Variants in BRPF1 observed in about 807,000 individuals in gnomAD.
BRPF1 encodes bromodomain and PHD finger containing 1, also known as peregrin.
A neutral mutation model predicts 115.0 loss-of-function variants in BRPF1; 15 were observed. The observed-to-expected ratio is 0.13, with a 90% confidence interval of 0.09 to 0.20. The LOEUF is 0.20. Among genes scored for constraint, BRPF1 ranks in the 10% least tolerant of loss-of-function variants. The pLI is 1.00. For synonymous variants in BRPF1, 647 were observed against 619.8 expected (o/e 1.04, Z -0.65); for missense variants, 1,118 against 1,638.3 (o/e 0.68, Z 5.48).
In BRPF1 at chr3:9,743,554, T is replaced by C; in HGVS notation, c.2312-24T>C. 6.3e-7 allele frequency: 1 copy of C among 1,599,688 alleles called. No individual in the cohort carries two copies. The highest frequency in any genetic ancestry group is 8.5e-7 in the Non-Finnish European group (1 of 1,171,810). ...CCTGAGGGCTGCCCTGAGTCTGACC[T>C]TTCCCCTCCAACCCTACCCCTAGCA... On this transcript the variant is annotated intron_variant, in intron 7 of 13. Transcript: ENST00000383829. This position sits in a 1 kb window ranked among gnomAD's most constrained non-coding sequence, Gnocchi z 6.1.
At chr3:9,742,308 A>G in intron 6 of BRPF1, 137 bp downstream of exon 6, 2 of 1,497,616 alleles carry the variant, frequency 1.3e-6, no homozygotes, top group Non-Finnish European at 1.8e-6. Context: ...AACTGGAGCC[A>G]CATGTATCAC....
At chr3:9,741,227 G>A in intron 4 of BRPF1, 81 bp from the exon 5 acceptor site, 2 of 1,493,426 alleles carry the variant, frequency 1.3e-6, no homozygotes, top group Non-Finnish European at 1.8e-6. Context: ...GGCTTGACCT[G>A]AGTTTCCTGG....
At chr3:9,737,759 AG>A (rs1482304814) in intron 2 of BRPF1, among the ~76,000 whole-genome samples, 45 of 152,236 alleles carry the variant, frequency 3.0e-4, no homozygotes, top group East Asian at 1.2e-3. Flanking sequence ...TTTTACACCA[AG>A]GTGCTCACAC....
rs2076906225 is a variant in BRPF1 at position 9,734,438 on chromosome 3, G to A, written c.298G>A (p.Glu100Lys). Residue 100 changes from glutamate (E) to lysine (K), a missense_variant, in exon 2 of 14, where the codon GAG becomes AAG. Physicochemically the swap from Glu to Lys is moderately conservative, Grantham distance 56. Coordinates refer to ENST00000383829, the MANE Select transcript of BRPF1 (RefSeq NM_001003694.2). This position sits in a 1 kb window ranked among gnomAD's most constrained non-coding sequence, Gnocchi z 5.7. ...CTATGCACAGGCCCAGCGCATGGTG[G>A]AGGTGGACTTGCATGGCCGCGTCCA... ...MSYAQAQRMV[E>K]VDLHGRVHRI... 1 of 1,614,060 alleles carries A rather than the reference G, an allele frequency of 6.2e-7. No homozygotes were observed.
chr3:9,742,822 C>A, intron 6 of BRPF1, 122 bp from the exon 7 acceptor site: 1 of 1,090,102 alleles, frequency 9.2e-7, no homozygotes, highest in Non-Finnish European at 1.3e-6. Context: ...GTGCTATATG[C>A]CTGCCTCTAA....
chr3:9,744,640 C>T (rs1040533224), intron 9 of BRPF1, 132 bp downstream of exon 9: 3 of 690,470 alleles, frequency 4.3e-6, no homozygotes, highest in Non-Finnish European at 6.9e-6. Context: ...CCTTTAACTC[C>T]ACTCACTCAT....
At chr3:9,742,285 C>G in intron 6 of BRPF1, 114 bp downstream of exon 6, 4 of 1,528,838 alleles carry the variant, frequency 2.6e-6, no homozygotes, top group Non-Finnish European at 3.5e-6. Flanking sequence ...GCTGGTGGCT[C>G]TGGGGCAGGA....
At position 9,744,461 on chromosome 3, in the gene BRPF1, C is replaced by T. The variant is rs551623538; in HGVS notation, c.2873C>T (p.Ser958Leu). The part of the protein sequence containing the change: ...RKRGRSPRPS[S>L]SSDSDSDKST... ...CGGGGTAGGAGCCCCCGGCCCAGTT[C>T]GAGCTCAGACAGCGACAGTGATAAG... The change falls in exon 9 of 14, where the codon TCG (serine) becomes TTG (leucine). Residue 958 changes from serine to leucine, a missense_variant. Around this residue, in one of 10 missense-constraint regions of BRPF1, gnomAD observed 92 missense variants for 102.2 expected, o/e 0.90. Coordinates refer to ENST00000383829, the MANE Select transcript of BRPF1 (RefSeq NM_001003694.2). The T allele has an allele frequency of 3.2e-6, 5 of 1,582,016 alleles. No individual in the cohort carries two copies. Among genetic ancestry groups the T allele is most frequent in the East Asian group, 2.3e-5 (1 of 44,064 alleles).
chr3:9,747,639 A>T lies in BRPF1; in HGVS notation c.*290A>T. On this transcript the variant is annotated 3_prime_UTR_variant, in exon 14 of 14. Coordinates refer to ENST00000383829, the MANE Select transcript of BRPF1 (RefSeq NM_001003694.2). This position sits in a 1 kb window ranked among gnomAD's most constrained non-coding sequence, Gnocchi z 5.6. ...CGGGGTGGTGGGCCAAAGTTAGGAC[A>T]CTGCGTAAAACAGGCCATCCCACCA... 3.3e-6 allele frequency: 1 copy of T among 299,940 alleles called. No individual in the cohort carries two copies. 18.6% of individuals were successfully genotyped at this position (299,940 alleles called of 1,614,324 possible).
chr3:9,734,315 C>G lies in BRPF1; in HGVS notation c.175C>G (p.Arg59Gly). ...ACCACCCCCACAACAAACTCCACTC[C>G]GCAAGCACAAGAAAAAGGGGCGCCA... ...NPPPPQQTPL[R>G]KHKKKGRQSR... The change falls in exon 2 of 14, where the codon CGC (arginine) becomes GGC (glycine). Residue 59 changes from arginine (R) to glycine (G), a missense_variant. Arg to Gly is a moderately radical substitution (Grantham distance 125). Around this residue, in one of 10 missense-constraint regions of BRPF1, gnomAD observed 280 missense variants for 382.8 expected, o/e 0.73. Coordinates refer to ENST00000383829, the MANE Select transcript of BRPF1 (RefSeq NM_001003694.2). This position sits in a 1 kb window ranked among gnomAD's most constrained non-coding sequence, Gnocchi z 5.7. The G allele has an allele frequency of 6.2e-7, 1 of 1,614,112 alleles. No homozygotes were observed.
In BRPF1 at chr3:9,734,011, G is replaced by C; in HGVS notation, c.-10-120G>C. The stretch of plus-strand genomic sequence containing the variant: ...GATGGCATTTGGAGACACTGTAGAG[G>C]TAGGCTGGCCAGAATCTGGTGACTC... On this transcript the variant is annotated intron_variant, in intron 1 of 13. Transcript: ENST00000383829. This position sits in a 1 kb window ranked among gnomAD's most constrained non-coding sequence, Gnocchi z 5.7. 6.8e-7 allele frequency: 1 copy of C among 1,478,312 alleles called. No homozygotes were observed. The highest frequency in any genetic ancestry group is 9.0e-7 in the Non-Finnish European group (1 of 1,116,324). The allele number at this position is 1,478,312 out of a possible 1,614,324, so 91.6% of individuals were successfully genotyped here.
rs199603306 is a variant in BRPF1 at position 9,745,569 on chromosome 3, A to T, written c.3069-4A>T. On this transcript the variant is annotated splice_polypyrimidine_tract_variant and splice_region_variant and intron_variant, in intron 10 of 13. Transcript: ENST00000383829. The surrounding 1 kb of genome is among the most constrained non-coding windows in gnomAD (Gnocchi z 5.1). The stretch of plus-strand genomic sequence containing the variant: ...GAGCTGAGCTCCCATTGTCTTGTCC[A>T]CAGCACAACGCCCTCAAAACAAGGC... 2,673 of 1,613,828 alleles carry T rather than the reference A, an allele frequency of 1.7e-3. 1 individual carries two copies. The highest frequency in any genetic ancestry group is 2.1e-3 in the Non-Finnish European group (2,534 of 1,179,858).
Position 9,743,743 on chromosome 3 carries a change from G to T in BRPF1, c.2477G>T (p.Arg826Leu). ...ATCAAGAAAGAGATGACGGCACTGCGGCGGAAGCTTGCCCATCAGCGAGAG... is the reference window on the plus strand; with the variant it reads ...ATCAAGAAAGAGATGACGGCACTGCTGCGGAAGCTTGCCCATCAGCGAGAG... ...KMIKKEMTAL[R>L]RKLAHQRETG... The change falls in exon 8 of 14, where the codon CGG becomes CTG. Residue 826 changes from arginine (R) to leucine (L), a missense_variant. Around this residue, in one of 10 missense-constraint regions of BRPF1, gnomAD observed 223 missense variants for 240.7 expected, o/e 0.93. Transcript: ENST00000383829. This position sits in a 1 kb window ranked among gnomAD's most constrained non-coding sequence, Gnocchi z 6.1. The T allele has an allele frequency of 6.2e-7, 1 of 1,614,170 alleles. No homozygotes were observed. Among genetic ancestry groups the T allele is most frequent in the Non-Finnish European group, 8.5e-7 (1 of 1,180,046 alleles).
rs1355562796 is a variant in BRPF1, at chr3:9,743,670, G to A, written c.2404G>A (p.Val802Met). Residue 802 changes from valine (V) to methionine (M), a missense_variant, in exon 8 of 14, where the codon GTG becomes ATG. Val to Met is a conservative substitution (Grantham distance 21). This residue lies in a region of BRPF1 where 223 missense variants were observed against 240.7 expected (regional missense o/e 0.93). Transcript: ENST00000383829. The surrounding 1 kb of genome is among the most constrained non-coding windows in gnomAD (Gnocchi z 6.1). Reference protein sequence around the residue: ...LKLLLERLDEVNASKQSVGRS... With the variant: ...LKLLLERLDEMNASKQSVGRS... ...GCTGCTTCTGGAGCGGCTGGACGAA[G>A]TGAATGCCAGCAAGCAGAGTGTGGG... 1.9e-6 allele frequency: 3 copies of A among 1,614,056 alleles called. No homozygotes were observed. Among genetic ancestry groups the A allele is most frequent in the East Asian group, 4.5e-5 (2 of 44,896 alleles).
Position 9,745,127 on chromosome 3 carries a change from A to T in BRPF1, c.3040A>T (p.Ser1014Cys). ...SSDSESSSSS[S>C]SSAASDRTST... ...AGACTCTGAGTCCAGCAGCAGTAGC[A>T]GTAGCAGCGCTGCTTCAGACCGGAC... is the stretch of plus-strand genomic sequence containing the variant. The change falls in exon 10 of 14, where the codon AGT becomes TGT. Residue 1014 changes from serine (S) to cysteine (C), a missense_variant. This residue lies in a region of BRPF1 where 100 missense variants were observed against 109.9 expected (regional missense o/e 0.91). Transcript: ENST00000383829. This position sits in a 1 kb window ranked among gnomAD's most constrained non-coding sequence, Gnocchi z 5.1. 6.2e-7 allele frequency: 1 copy of T among 1,614,222 alleles called. No individual in the cohort carries two copies. Among genetic ancestry groups the T allele is most frequent in the Non-Finnish European group, 8.5e-7 (1 of 1,180,038 alleles).
chr3:9,742,319 C>G, intron 6 of BRPF1, 148 bp downstream of exon 6: 1 of 1,482,426 alleles, frequency 6.7e-7, no homozygotes, highest in African/African-American at 1.4e-5. Flanking sequence ...CATGTATCAC[C>G]TGGACTCTGT....
At position 9,739,666 on chromosome 3, in the gene BRPF1, A is replaced by G. The variant is rs1264640393; in HGVS notation, c.1267A>G (p.Met423Val). ...CCAGCAGGCTGGCCTTTACATGAAG[A>G]TGGAGCCTGTGCGGGAGACAGGCGC... ...CAQQAGLYMK[M>V]EPVRETGANG... is the part of the protein sequence containing the mutation. The change falls in exon 3 of 14, where the codon ATG (methionine) becomes GTG (valine). Residue 423 changes from methionine (M) to valine (V), a missense_variant. This residue lies in a region of BRPF1 where 87 missense variants were observed against 93.4 expected (regional missense o/e 0.93). Transcript: ENST00000383829. 6.2e-7 allele frequency: 1 copy of G among 1,612,726 alleles called. No homozygotes were observed. The highest frequency in any genetic ancestry group is 8.5e-7 in the Non-Finnish European group (1 of 1,178,870).
At chr3:9,735,752 A>G (rs1317740359) in intron 2 of BRPF1, among the ~76,000 whole-genome samples, 4 of 152,166 alleles carry the variant, frequency 2.6e-5, no homozygotes, top group African/African-American at 9.7e-5. Context: ...ATGAAGGGAT[A>G]TGGGGGGCAG....
chr3:9,735,515 G>A (rs1273955169), intron 2 of BRPF1, among the ~76,000 whole-genome samples: 2 of 152,174 alleles, frequency 1.3e-5, no homozygotes, highest in South Asian at 2.1e-4. Context: ...GAGCAGATAC[G>A]GTATTTCTCT....
Sources: allele counts gnomAD v4.1 joint callset (sites outside exome capture counted in the v4.1 genomes callset), GRCh38; gene constraint gnomAD v4.1.1; regional missense constraint gnomAD v4.1.1; non-coding constraint Gnocchi (gnomAD v3.1); transcripts MANE v1.5; gene names NCBI Gene and HGNC (gene_info 2026-07-23, HGNC 2026-07-21).